Variants in ACYP2 observed in about 807,000 individuals in gnomAD.
ACYP2 encodes the protein acylphosphatase-2.
ACYP2 carries 12 observed loss-of-function variants against 11.2 expected under a neutral mutation model. That is an observed-to-expected ratio of 1.08 (90% confidence interval 0.69 to 1.74). ACYP2 has a LOEUF of 1.74. Among genes scored for constraint, ACYP2 ranks in the 40% most tolerant of loss-of-function variants. ACYP2 has a pLI of 0.00. For synonymous variants in ACYP2, 43 were observed against 32.2 expected, an observed-to-expected ratio of 1.33 and a Z score of -1.13; for missense variants, 134 against 101.9, an observed-to-expected ratio of 1.31 and a Z score of -1.35.
intron 6 of ACYP2, chr2:54,254,836 G>A (rs1053583502): frequency 2.2e-6 from 3 of 1,356,400 alleles, no homozygotes; most frequent in South Asian, 1.4e-5. Flanking sequence ...AAAGTAAAGG[G>A]CATACCTAAT....
intron 6 of ACYP2, among the ~76,000 whole-genome samples, chr2:54,190,694 C>T (rs148558269): frequency 1.1e-4 from 16 of 152,186 alleles, no homozygotes; most frequent in Non-Finnish European, 1.6e-4. Context: ...GCTTTTCTCC[C>T]TCTACAGTTC....
At chr2:54,204,629 C>T (rs919688182) in intron 6 of ACYP2, among the ~76,000 whole-genome samples, 6 of 152,194 alleles carry the variant, frequency 3.9e-5, no homozygotes, top group Non-Finnish European at 7.3e-5. Flanking sequence ...TTTAAAACTT[C>T]ACCATAAAAA....
At chr2:54,259,867 T>C (rs1444029662) in intron 6 of ACYP2, among the ~76,000 whole-genome samples, 5 of 152,196 alleles carry the variant, frequency 3.3e-5, no homozygotes, top group Non-Finnish European at 7.3e-5. Context: ...ACAGCGAGTA[T>C]ATACAACTGT....
chr2:54,148,969 A>C (rs898193316), intron 6 of ACYP2, among the ~76,000 whole-genome samples: 3 of 152,176 alleles, frequency 2.0e-5, no homozygotes, highest in Non-Finnish European at 4.4e-5. Context: ...TAATAGTGCC[A>C]GTCCAGGAAC....
intron 3 of ACYP2, among the ~76,000 whole-genome samples, chr2:54,056,121 A>G (rs1381242884): frequency 2.0e-5 from 3 of 152,188 alleles, no homozygotes; most frequent in Admixed American, 2.0e-4. Context: ...AAGGTTCTCC[A>G]GGGAGTAGAG....
intron 6 of ACYP2, among the ~76,000 whole-genome samples, chr2:54,252,441 C>T (rs990764572): frequency 2.0e-5 from 3 of 152,114 alleles, no homozygotes; most frequent in East Asian, 3.9e-4. Context: ...TCAGAGGGTT[C>T]GCACTGGTGC....
At chr2:54,066,406 T>G (rs1282305344) in intron 4 of ACYP2, among the ~76,000 whole-genome samples, 1 of 152,218 alleles carries the variant, frequency 6.6e-6, no homozygotes, top group African/African-American at 2.4e-5. Flanking sequence ...CTTTATAAAT[T>G]ACCCAGTCTT....
At chr2:54,019,609 TTTATTATTATTA>T (rs141725920) in intron 2 of ACYP2, among the ~76,000 whole-genome samples, 22 of 148,624 alleles carry the variant, frequency 1.5e-4, no homozygotes, top group Middle Eastern at 3.5e-3. Context: ...CCCCTGTGCT[TTTATTATTATTA>T]TTATTATTAT....
At chr2:54,206,614 A>G (rs1045543160) in intron 6 of ACYP2, among the ~76,000 whole-genome samples, 9 of 152,236 alleles carry the variant, frequency 5.9e-5, no homozygotes, top group African/African-American at 2.2e-4. Flanking sequence ...CCAGGTGCCT[A>G]TTAGTATTTT....
At chr2:54,155,407 G>C (rs191730144) in intron 6 of ACYP2, among the ~76,000 whole-genome samples, 2 of 151,762 alleles carry the variant, frequency 1.3e-5, no homozygotes, top group African/African-American at 4.8e-5. Flanking sequence ...ATTCTTTTCT[G>C]ATAGACTGCA....
At chr2:54,162,783 T>C (rs1334323429) in intron 6 of ACYP2, among the ~76,000 whole-genome samples, 1 of 151,918 alleles carries the variant, frequency 6.6e-6, no homozygotes, top group Non-Finnish European at 1.5e-5. Flanking sequence ...CTGGGCAACA[T>C]AGGGAGATGC....
At chr2:54,044,713 T>C (rs770098545) in intron 2 of ACYP2, among the ~76,000 whole-genome samples, 1 of 152,038 alleles carries the variant, frequency 6.6e-6, no homozygotes, top group Non-Finnish European at 1.5e-5. Context: ...CTACAAATAA[T>C]CACAGCAGGA....
At chr2:54,187,901 A>G (rs2103880938) in intron 6 of ACYP2, among the ~76,000 whole-genome samples, 1 of 152,310 alleles carries the variant, frequency 6.6e-6, no homozygotes, top group Non-Finnish European at 1.5e-5. Flanking sequence ...TAATGCCGCT[A>G]TGAAAAGGGT....
At chr2:53,990,401 C>G (rs1672231093) in intron 2 of ACYP2, among the ~76,000 whole-genome samples, 1 of 151,968 alleles carries the variant, frequency 6.6e-6, no homozygotes, top group Non-Finnish European at 1.5e-5. Context: ...GTAATCCCAC[C>G]ACCTTGGGAG....
At chr2:54,219,896 TATATATATA>T (rs749818063) in intron 6 of ACYP2, among the ~76,000 whole-genome samples, 27 of 115,988 alleles carry the variant, frequency 2.3e-4, no homozygotes, top group Non-Finnish European at 3.3e-4. Context: ...TATATATATA[TATATATATA>T]TTTTTTTTTT....
intron 2 of ACYP2, among the ~76,000 whole-genome samples, chr2:54,020,822 A>G (rs1403223041): frequency 2.6e-5 from 4 of 152,204 alleles, no homozygotes; most frequent in Non-Finnish European, 4.4e-5. Flanking sequence ...AATAGCATCT[A>G]TGTTGCAAAT....
intron 4 of ACYP2, among the ~76,000 whole-genome samples, chr2:54,116,576 A>C (rs1233727875): frequency 6.6e-6 from 1 of 151,376 alleles, no homozygotes; most frequent in Non-Finnish European, 1.5e-5. Flanking sequence ...ACATGTATGA[A>C]TAAGTGTAAT....
chr2:53,982,579 CCCTT>C (rs1348645106), intron 2 of ACYP2, among the ~76,000 whole-genome samples: 40 of 152,240 alleles, frequency 2.6e-4, no homozygotes, highest in African/African-American at 9.1e-4. Flanking sequence ...AATTCAAACT[CCCTT>C]CCACCCACTG....
intron 6 of ACYP2, among the ~76,000 whole-genome samples, chr2:54,264,707 A>T (rs1046642109): frequency 6.6e-6 from 1 of 152,176 alleles, no homozygotes. Context: ...TATAAGTATA[A>T]ATTTAGGTGG....
Sources: gnomAD v4.1 joint callset for allele counts (sites outside exome capture counted in the v4.1 genomes callset) on GRCh38, gnomAD v4.1.1 for gene constraint, MANE v1.5 for transcripts, NCBI Gene and HGNC (gene_info 2026-07-23, HGNC 2026-07-21) for gene names.